Variants in FGF10 observed in about 807,000 individuals in gnomAD.
FGF10 encodes the protein fibroblast growth factor 10.
A neutral mutation model predicts 19.8 loss-of-function variants in FGF10; 2 were observed. The ratio of observed to expected loss-of-function variants is 0.10; its 90% CI spans 0.04 to 0.32. The LOEUF is 0.32. Ranked by LOEUF, FGF10 falls within the 10% of genes least tolerant of loss-of-function variation. FGF10 has a pLI of 1.00. For missense variants in FGF10, 191 were observed against 246.3 expected, an observed-to-expected ratio of 0.78 and a Z score of 1.50; for synonymous variants, 112 against 94.0, an observed-to-expected ratio of 1.19 and a Z score of -1.10.
rs540973170 is a variant in FGF10 at position 44,314,380 on chromosome 5, A to G, written c.326-3850T>C. 2.0e-5 allele frequency among the ~76,000 whole-genome samples: 3 copies of G among 152,286 alleles called. No homozygotes were observed. In the South Asian group the frequency reaches 6.2e-4, roughly 32 times the overall value. On this transcript the variant is annotated intron_variant, in intron 1 of 2. Coordinates refer to ENST00000264664, the MANE Select transcript of FGF10 (RefSeq NM_004465.2). ...CATTAGAAATAAAGTAATATTTAGC[A>G]AATTTCTTCAGTAAATAGTAGCAAT...
chr5:44,331,166 G>A (rs1740728259), intron 1 of FGF10, among the ~76,000 whole-genome samples: 2 of 151,972 alleles, frequency 1.3e-5, no homozygotes, highest in South Asian at 4.2e-4. Context: ...TTTCTGACAA[G>A]CCTCTTCCTT....
Position 44,315,672 on chromosome 5 carries a change from ATAGT to A in FGF10, c.326-5146_326-5143del, listed in dbSNP as rs1330994560. 1.1e-4 allele frequency among the ~76,000 whole-genome samples: 16 copies of A among 152,294 alleles called. No individual in the cohort carries two copies. The East Asian group carries it at 3.1e-3, about 29-fold the overall frequency. On this transcript the variant is annotated intron_variant, in intron 1 of 2. Transcript: ENST00000264664. ...TTTAATCAAGGTGCTGAAACATATCATAGTTAGCACAATGTAAGACACAAATACT... is the reference window on the plus strand; with the variant it reads ...TTTAATCAAGGTGCTGAAACATATCATAGCACAATGTAAGACACAAATACT...
rs146178947 is a variant in FGF10, at chr5:44,314,605, G to C, written c.326-4075C>G. Among the ~76,000 whole-genome samples, 155 of 152,116 alleles carry C rather than the reference G, an allele frequency of 1.0e-3. 3 individuals are homozygous for C. Among genetic ancestry groups the C allele is most frequent in the African/African-American group, 3.6e-3 (148 of 41,520 alleles). ...AAATAACTTAGAAGTCACAATTTTCGTGTAAATGCATTTTTTTCTTTTAAT... is the reference window on the plus strand; with the variant it reads ...AAATAACTTAGAAGTCACAATTTTCCTGTAAATGCATTTTTTTCTTTTAAT... On this transcript the variant is annotated intron_variant, in intron 1 of 2. Coordinates refer to ENST00000264664, the MANE Select transcript of FGF10 (RefSeq NM_004465.2).
intron 1 of FGF10, among the ~76,000 whole-genome samples, chr5:44,332,258 T>C (rs1223683552): frequency 6.6e-6 from 1 of 152,140 alleles, no homozygotes; most frequent in Non-Finnish European, 1.5e-5. Context: ...TCCTCATCTG[T>C]AAAATAAGTT....
chr5:44,375,557 T>C (rs1053184202), intron 1 of FGF10, among the ~76,000 whole-genome samples: 1 of 152,074 alleles, frequency 6.6e-6, no homozygotes, highest in Non-Finnish European at 1.5e-5. Flanking sequence ...GAGTAAATCA[T>C]GAGGGTCTTA....
rs3060085 is a variant in FGF10, at chr5:44,365,350, CA to C, written c.325+23007del. 8.0e-4 allele frequency among the ~76,000 whole-genome samples: 100 copies of C among 124,686 alleles called. No individual in the cohort carries two copies. The Middle Eastern group carries it at 0.025, about 31-fold the overall frequency. The allele number at this position is 124,686 out of a possible 152,430, so 81.8% of individuals were successfully genotyped here. ...GTCAATTTCATCCTCAAATAATTTG[CA>C]AAAAAAAAAAAAAAAGAGAGAGGTA... On this transcript the variant is annotated intron_variant, in intron 1 of 2. Transcript: ENST00000264664.
At chr5:44,345,633 C>CAATAAAAAAAAAA (rs1741075288) in intron 1 of FGF10, among the ~76,000 whole-genome samples, 1 of 134,430 alleles carries the variant, frequency 7.4e-6, no homozygotes. Flanking sequence ...TTTCTCAGCT[C>CAATAAAAAAAAAA]AAAAAAAAAA....
At chr5:44,371,506 A>T (rs757845343) in intron 1 of FGF10, among the ~76,000 whole-genome samples, 23 of 152,210 alleles carry the variant, frequency 1.5e-4, no homozygotes, top group Admixed American at 1.1e-3. Context: ...TTTAAATAGG[A>T]AAGGTTCCCA....
chr5:44,325,009 T>C (rs977134418), intron 1 of FGF10, among the ~76,000 whole-genome samples: 1 of 152,188 alleles, frequency 6.6e-6, no homozygotes, highest in Non-Finnish European at 1.5e-5. Context: ...TGTTTATTTG[T>C]TTTTATATAA....
chr5:44,388,899 C>T lies in FGF10; in HGVS notation c.-217G>A. On this transcript the variant is annotated 5_prime_UTR_variant, in exon 1 of 3. Transcript: ENST00000264664. ...CCTTTCTCGGATCCGCTGCCTACGC[C>T]TCTGGAGCCTCCCGGTAAATGGTGG... 1 of 607,382 alleles carries T rather than the reference C, an allele frequency of 1.6e-6. No individual in the cohort carries two copies. Among genetic ancestry groups the T allele is most frequent in the South Asian group, 1.9e-5 (1 of 53,160 alleles). The allele number at this position is 607,382 out of a possible 1,614,324, so 37.6% of individuals were successfully genotyped here.
intron 1 of FGF10, among the ~76,000 whole-genome samples, chr5:44,330,149 G>C (rs1740697564): frequency 6.6e-6 from 1 of 152,134 alleles, no homozygotes; most frequent in Non-Finnish European, 1.5e-5. Context: ...ATTTTCAAAA[G>C]TATTGCATTT....
chr5:44,357,526 A>G (rs544642020), intron 1 of FGF10, among the ~76,000 whole-genome samples: 1 of 151,634 alleles, frequency 6.6e-6, no homozygotes, highest in South Asian at 2.1e-4. Context: ...GATAGCCTTG[A>G]GTGAGGTACA....
intron 1 of FGF10, among the ~76,000 whole-genome samples, chr5:44,348,674 GC>G (rs33933227): frequency 0.12 from 18,201 of 151,196 alleles, 2,681 homozygotes; most frequent in African/African-American, 0.34. Context: ...ATAACGAATG[GC>G]TTTTTATTTT....
rs530035289 is a variant in FGF10 at position 44,303,377 on chromosome 5, T to C, written c.*1618A>G. Among the ~76,000 whole-genome samples the C allele has an allele frequency of 6.6e-6, 1 of 152,318 alleles. No homozygotes were observed. Among genetic ancestry groups the C allele is most frequent in the African/African-American group, 2.4e-5 (1 of 41,584 alleles). ...AGTAAGACACATTTAGTGAGTCTTT[T>C]TTTTTGTACCAAAATACTGTGTCCA... On this transcript the variant is annotated 3_prime_UTR_variant, in exon 3 of 3. Transcript: ENST00000264664.
Position 44,300,256 on chromosome 5 carries a change from G to GTT in FGF10, c.*4737_*4738dup, listed in dbSNP as rs199738884. On this transcript the variant is annotated 3_prime_UTR_variant, in exon 3 of 3. Coordinates refer to ENST00000264664, the MANE Select transcript of FGF10 (RefSeq NM_004465.2). ...TAAAAGACAAAGCAGGTTTTTTTCT[G>GTT]TTTTTTTTTTATTTTACACTTAAAC... Among the ~76,000 whole-genome samples the GTT allele has an allele frequency of 3.7e-4, 48 of 128,930 alleles. No individual in the cohort carries two copies. The highest frequency in any genetic ancestry group is 6.0e-4 in the Non-Finnish European group (36 of 59,808). The allele number at this position is 128,930 out of a possible 152,430, so 84.6% of individuals were successfully genotyped here.
intron 2 of FGF10, among the ~76,000 whole-genome samples, chr5:44,306,529 GC>G (rs17228228): frequency 0.29 from 44,366 of 152,176 alleles, 6,625 homozygotes; most frequent in Admixed American, 0.4. Flanking sequence ...CAAAGCAAGG[GC>G]CCCGTGGGCA....
chr5:44,364,563 G>A (rs1741563626), intron 1 of FGF10, among the ~76,000 whole-genome samples: 1 of 151,808 alleles, frequency 6.6e-6, no homozygotes, highest in Admixed American at 6.6e-5. Context: ...AAATAGTGCT[G>A]TGGCTAACAA....
At chr5:44,353,562 A>C (rs1338264966) in intron 1 of FGF10, among the ~76,000 whole-genome samples, 1 of 151,654 alleles carries the variant, frequency 6.6e-6, no homozygotes, top group Non-Finnish European at 1.5e-5. Flanking sequence ...AAATTTTAAA[A>C]AGTAAATCCT....
chr5:44,382,709 G>A (rs1742010616), intron 1 of FGF10, among the ~76,000 whole-genome samples: 1 of 152,088 alleles, frequency 6.6e-6, no homozygotes, highest in African/African-American at 2.4e-5. Flanking sequence ...CTGCATAAAT[G>A]ACTTGAGACA....
Sources: allele counts gnomAD v4.1 joint callset (sites outside exome capture counted in the v4.1 genomes callset), GRCh38; gene constraint gnomAD v4.1.1; transcripts MANE v1.5; gene names NCBI Gene and HGNC (gene_info 2026-07-23, HGNC 2026-07-21).